Variants in CNTNAP2 observed in about 807,000 individuals in gnomAD.
The protein encoded by CNTNAP2 is contactin associated protein 2.
In CNTNAP2, 98 loss-of-function variants were observed where a neutral mutation model predicts 155.2. The ratio of observed to expected loss-of-function variants is 0.63; its 90% confidence interval spans 0.54 to 0.75. The LOEUF (loss-of-function observed/expected upper bound fraction) is 0.75, where lower values mean the gene tolerates loss of function less well. CNTNAP2 is among the 30% of genes least tolerant of loss of function. The pLI, the probability that CNTNAP2 is intolerant of heterozygous loss-of-function variation, is 0.00. For missense variants in CNTNAP2, 1,727 were observed against 1,688.1 expected, an observed-to-expected ratio of 1.02 and a Z score of -0.40; for synonymous variants, 651 against 631.2, an observed-to-expected ratio of 1.03 and a Z score of -0.47.
At chr7:146,348,066 T>C (rs1794844559) in intron 1 of CNTNAP2, among the ~76,000 whole-genome samples, 1 of 152,136 alleles carries the variant, frequency 6.6e-6, no homozygotes, top group Non-Finnish European at 1.5e-5. Context: ...TTGTGGTTGC[T>C]AAAAACATAA....
At chr7:148,192,899 C>T (rs529207053) in intron 18 of CNTNAP2, among the ~76,000 whole-genome samples, 5 of 152,084 alleles carry the variant, frequency 3.3e-5, no homozygotes, top group South Asian at 2.1e-4. Context: ...CATTTTTTGG[C>T]GGTGTTTGAA....
chr7:146,550,324 C>G (rs1026142460), intron 1 of CNTNAP2, among the ~76,000 whole-genome samples: 10 of 144,176 alleles, frequency 6.9e-5, no homozygotes, highest in African/African-American at 1.1e-4. Context: ...AAAAGGAGAG[C>G]TTTTAAAATA....
intron 1 of CNTNAP2, among the ~76,000 whole-genome samples, chr7:146,138,833 C>T (rs1196192205): frequency 1.3e-5 from 2 of 152,088 alleles, no homozygotes; most frequent in East Asian, 3.9e-4. Flanking sequence ...CTTACATATT[C>T]TATGCTTTCT....
chr7:148,054,572 A>G (rs1026377257), intron 15 of CNTNAP2, among the ~76,000 whole-genome samples: 33 of 150,944 alleles, frequency 2.2e-4, no homozygotes, highest in African/African-American at 7.8e-4. Context: ...CATAAGCTTT[A>G]GCAAACACTC....
chr7:147,817,922 A>T (rs1008685321), intron 13 of CNTNAP2, among the ~76,000 whole-genome samples: 1 of 149,818 alleles, frequency 6.7e-6, no homozygotes, highest in African/African-American at 2.5e-5. Context: ...AAAAAAAAAA[A>T]TAGCAAAGAA....
chr7:148,393,026 A>G (rs548567436), intron 22 of CNTNAP2, among the ~76,000 whole-genome samples: 96 of 151,940 alleles, frequency 6.3e-4, no homozygotes, highest in African/African-American at 2.2e-3. Flanking sequence ...ATTTCTGTCT[A>G]TATTCCAAGT....
intron 9 of CNTNAP2, among the ~76,000 whole-genome samples, chr7:147,392,649 T>A (rs1039053758): frequency 3.3e-5 from 5 of 152,058 alleles, no homozygotes; most frequent in African/African-American, 1.2e-4. Context: ...AGGATAATAG[T>A]CTCTAGTCCC....
intron 9 of CNTNAP2, among the ~76,000 whole-genome samples, chr7:147,379,865 C>A (rs1021563570): frequency 6.6e-6 from 1 of 151,912 alleles, no homozygotes; most frequent in Admixed American, 6.6e-5. Flanking sequence ...TAGTAAATAC[C>A]CTCTGACTAC....
At chr7:146,843,931 C>A (rs1803794224) in intron 3 of CNTNAP2, among the ~76,000 whole-genome samples, 1 of 151,962 alleles carries the variant, frequency 6.6e-6, no homozygotes, top group Admixed American at 6.6e-5. Flanking sequence ...TTTTTACTAT[C>A]CATTTTATAA....
intron 1 of CNTNAP2, among the ~76,000 whole-genome samples, chr7:146,677,551 T>C (rs564396139): frequency 6.6e-6 from 1 of 152,208 alleles, no homozygotes; most frequent in African/African-American, 2.4e-5. Context: ...TTATTTTTGG[T>C]TTACATATCC....
intron 8 of CNTNAP2, among the ~76,000 whole-genome samples, chr7:147,197,139 G>T (rs1434665472): frequency 6.6e-6 from 1 of 152,000 alleles, no homozygotes; most frequent in Admixed American, 6.5e-5. Flanking sequence ...TCAGATGATT[G>T]CATAGGAGTA....
At chr7:148,221,786 C>T (rs1795750836) in intron 19 of CNTNAP2, among the ~76,000 whole-genome samples, 2 of 152,168 alleles carry the variant, frequency 1.3e-5, no homozygotes, top group African/African-American at 2.4e-5. Context: ...TTCCCAAGGT[C>T]AGTGTCACTC....
chr7:147,939,799 C>G (rs1186197123), intron 14 of CNTNAP2, among the ~76,000 whole-genome samples: 1 of 151,938 alleles, frequency 6.6e-6, no homozygotes, highest in Non-Finnish European at 1.5e-5. Context: ...CTCTCTCTCT[C>G]TCTCACACAC....
At chr7:147,971,082 GA>G (rs1457247953) in intron 14 of CNTNAP2, among the ~76,000 whole-genome samples, 4 of 152,116 alleles carry the variant, frequency 2.6e-5, no homozygotes, top group African/African-American at 4.8e-5. Flanking sequence ...TTAAAGGTAG[GA>G]AAAGCCCTTA....
At chr7:148,308,279 ATATAAT>A (rs1797525039) in intron 21 of CNTNAP2, among the ~76,000 whole-genome samples, 1 of 152,010 alleles carries the variant, frequency 6.6e-6, no homozygotes, top group East Asian at 1.9e-4. Flanking sequence ...TTATATGTAA[ATATAAT>A]TACAATTATA....
chr7:147,091,537 C>T (rs550793327), intron 4 of CNTNAP2, among the ~76,000 whole-genome samples: 11 of 152,134 alleles, frequency 7.2e-5, no homozygotes, highest in African/African-American at 2.6e-4. Flanking sequence ...CTGCAACCTC[C>T]GCCTACGGGG....
intron 8 of CNTNAP2, among the ~76,000 whole-genome samples, chr7:147,208,968 GA>G (rs1249381337): frequency 6.6e-6 from 1 of 151,862 alleles, no homozygotes; most frequent in Non-Finnish European, 1.5e-5. Flanking sequence ...TTACTAAATT[GA>G]AAAGTTTCCC....
chr7:146,874,232 A>T (rs1377482627), intron 3 of CNTNAP2, among the ~76,000 whole-genome samples: 1 of 152,170 alleles, frequency 6.6e-6, no homozygotes, highest in Non-Finnish European at 1.5e-5. Context: ...AAGTGAATTC[A>T]CCTAGGATAG....
chr7:146,880,340 A>G (rs1795520510), intron 3 of CNTNAP2, among the ~76,000 whole-genome samples: 1 of 151,972 alleles, frequency 6.6e-6, no homozygotes, highest in African/African-American at 2.4e-5. Context: ...CTGCCATTCG[A>G]AGAACACCAA....
Sources: gnomAD v4.1 joint callset for allele counts (sites outside exome capture counted in the v4.1 genomes callset) on GRCh38, gnomAD v4.1.1 for gene constraint, MANE v1.5 for transcripts, NCBI Gene and HGNC (gene_info 2026-07-23, HGNC 2026-07-21) for gene names.